The following TOX variants were observed in gnomAD, a reference collection of about 807,000 sequenced individuals.
TOX encodes thymocyte selection associated high mobility group box.
A neutral mutation model predicts 53.7 loss-of-function variants in TOX; 11 were observed. The observed-to-expected ratio is 0.20, with a 90% CI of 0.13 to 0.34. The LOEUF is 0.34. Among genes scored for constraint, TOX ranks in the 10% least tolerant of loss-of-function variants. The probability of loss-of-function intolerance (pLI) is 1.00; values close to 1 mark genes in which losing one functional copy is unlikely to be tolerated. For missense variants in TOX, 570 were observed against 664.6 expected, an observed-to-expected ratio of 0.86 and a Z score of 1.56; for synonymous variants, 225 against 245.3, an observed-to-expected ratio of 0.92 and a Z score of 0.77.
chr8:59,046,858 CAAAAAAAAAAAAA>C (rs34869193), intron 1 of TOX, among the ~76,000 whole-genome samples: 12 of 77,912 alleles, frequency 1.5e-4, no homozygotes, highest in African/African-American at 5.1e-4. Flanking sequence ...GACTATGTCT[CAAAAAAAAAAAAA>C]AAAAAAAAAA....
chr8:58,915,859 G>C (rs1255586279), intron 3 of TOX, among the ~76,000 whole-genome samples: 1 of 127,568 alleles, frequency 7.8e-6, no homozygotes, highest in Non-Finnish European at 1.6e-5. Context: ...GTGCTTAAAG[G>C]AGCTGATGGA....
chr8:59,092,261 T>TAC (rs1804620508), intron 1 of TOX, among the ~76,000 whole-genome samples: 1 of 52,298 alleles, frequency 1.9e-5, no homozygotes, highest in African/African-American at 7.3e-5. Flanking sequence ...CATATATATA[T>TAC]ATTTTATATA....
chr8:58,990,415 T>A (rs1332245022), intron 1 of TOX, among the ~76,000 whole-genome samples: 1 of 150,970 alleles, frequency 6.6e-6, no homozygotes. Flanking sequence ...TTATTTATTT[T>A]TATTTATTTA....
chr8:58,882,320 C>G (rs1365141152), intron 3 of TOX, among the ~76,000 whole-genome samples: 1 of 152,182 alleles, frequency 6.6e-6, no homozygotes, highest in Non-Finnish European at 1.5e-5. Flanking sequence ...CCTGGCTTCA[C>G]GATGACTTTA....
chr8:58,968,875 A>G (rs1003188569), intron 1 of TOX, among the ~76,000 whole-genome samples: 1 of 152,226 alleles, frequency 6.6e-6, no homozygotes, highest in Non-Finnish European at 1.5e-5. Flanking sequence ...AAAGAACAAC[A>G]GAGAAGTTGT....
intron 1 of TOX, among the ~76,000 whole-genome samples, chr8:59,061,608 G>A (rs1156689132): frequency 6.6e-6 from 1 of 152,058 alleles, no homozygotes; most frequent in Non-Finnish European, 1.5e-5. Flanking sequence ...CCATCTGGCT[G>A]TAAAGATCCT....
At chr8:58,931,793 T>C (rs922254458) in intron 3 of TOX, among the ~76,000 whole-genome samples, 1 of 152,178 alleles carries the variant, frequency 6.6e-6, no homozygotes, top group Non-Finnish European at 1.5e-5. Context: ...TTTTACTTCT[T>C]TCATGCATGG....
intron 1 of TOX, among the ~76,000 whole-genome samples, chr8:58,983,772 T>C (rs1035579688): frequency 5.9e-5 from 9 of 152,216 alleles, no homozygotes; most frequent in African/African-American, 2.2e-4. Flanking sequence ...GGTTCATCTG[T>C]AAAAAGTGTT....
intron 3 of TOX, among the ~76,000 whole-genome samples, chr8:58,867,652 C>T (rs539552372): frequency 2.0e-5 from 3 of 152,274 alleles, no homozygotes; most frequent in South Asian, 4.1e-4. Flanking sequence ...AATTGTGATT[C>T]AGAAGTTCTG....
chr8:58,825,241 A>G (rs1158285991), intron 6 of TOX, among the ~76,000 whole-genome samples: 1 of 152,156 alleles, frequency 6.6e-6, no homozygotes, highest in Non-Finnish European at 1.5e-5. Flanking sequence ...TTCAATTTGT[A>G]TACACACAAT....
At position 58,854,873 on chromosome 8, in the gene TOX, T is replaced by C. The variant is rs189664566; in HGVS notation, c.412-3068A>G. On this transcript the variant is annotated intron_variant, in intron 3 of 8. Coordinates refer to ENST00000361421, the MANE Select transcript of TOX (RefSeq NM_014729.3). ...GTTCAGTATTAATCACTGCCTAATG[T>C]ATAATATGGGGAAAATTAAACTCGA... is the stretch of plus-strand genomic sequence containing the variant. Among the ~76,000 whole-genome samples, 123 of 152,304 alleles carry C rather than the reference T, an allele frequency of 8.1e-4. 1 individual carries two copies. The highest frequency in any genetic ancestry group is 2.8e-3 in the African/African-American group (116 of 41,570).
chr8:59,041,367 G>A (rs1803584501), intron 1 of TOX, among the ~76,000 whole-genome samples: 2 of 151,994 alleles, frequency 1.3e-5, no homozygotes, highest in Admixed American at 6.6e-5. Flanking sequence ...CATCAGGCAG[G>A]AGTCCGTGAC....
At chr8:59,093,915 C>T (rs904474567) in intron 1 of TOX, among the ~76,000 whole-genome samples, 1 of 152,130 alleles carries the variant, frequency 6.6e-6, no homozygotes, top group African/African-American at 2.4e-5. Context: ...CATTTACCTG[C>T]CAGCTTGTCA....
intron 1 of TOX, among the ~76,000 whole-genome samples, chr8:58,963,306 G>GATAGATAT (rs1244881035): frequency 2.3e-5 from 3 of 131,584 alleles, no homozygotes; most frequent in East Asian, 2.1e-4. Flanking sequence ...TAGATAGATA[G>GATAGATAT]ATATATATAT....
At chr8:59,022,686 G>C (rs1814158967) in intron 1 of TOX, among the ~76,000 whole-genome samples, 1 of 152,072 alleles carries the variant, frequency 6.6e-6, no homozygotes, top group Non-Finnish European at 1.5e-5. Context: ...GTGAAGAAAG[G>C]CTCATCTAAG....
rs1309691239 is a variant in TOX, at chr8:58,826,877, G to T, written c.950C>A (p.Ala317Glu). 1 of 1,611,542 alleles carries T rather than the reference G, an allele frequency of 6.2e-7. No homozygotes were observed. The highest frequency in any genetic ancestry group is 1.1e-5 in the South Asian group (1 of 90,768). Residue 317 changes from alanine (A) to glutamate (E), a missense_variant, in exon 6 of 9, where the codon GCG (alanine) becomes GAG (glutamate). By Grantham distance (107) the Ala-to-Glu change is moderately radical (BLOSUM62 -1). Around this residue, in one of 3 missense-constraint regions of TOX, gnomAD observed 49 missense variants for 98.9 expected, o/e 0.50. Transcript: ENST00000361421. ...KQVYKKKTEA[A>E]KKEYLKQLAA... ...GAGTTGCTTCAGGTACTCCTTCTTC[G>T]CAGCCTCGGTTTTCTTTTTATAGAC...
intron 1 of TOX, among the ~76,000 whole-genome samples, chr8:59,028,055 G>C (rs1814277559): frequency 2.6e-5 from 4 of 152,098 alleles, no homozygotes; most frequent in Admixed American, 2.6e-4. Flanking sequence ...GATATACTAA[G>C]CATTAGAACT....
intron 3 of TOX, among the ~76,000 whole-genome samples, chr8:58,933,150 T>A: frequency 6.6e-6 from 1 of 152,138 alleles, no homozygotes; most frequent in South Asian, 2.1e-4. Context: ...ATTCTAAAAC[T>A]TTGCACGGTT....
At chr8:59,052,831 A>G (rs1031233049) in intron 1 of TOX, among the ~76,000 whole-genome samples, 7 of 152,190 alleles carry the variant, frequency 4.6e-5, no homozygotes, top group Admixed American at 4.6e-4. Context: ...ATACTTGCAA[A>G]GTTCTTAGAA....
Sources: gnomAD v4.1 joint callset for allele counts (sites outside exome capture counted in the v4.1 genomes callset) on GRCh38, gnomAD v4.1.1 for gene constraint, gnomAD v4.1.1 regional missense constraint, MANE v1.5 for transcripts, NCBI Gene and HGNC (gene_info 2026-07-23, HGNC 2026-07-21) for gene names.